The following TUSC3 variants were observed in gnomAD, a reference collection of about 807,000 sequenced individuals.
TUSC3 encodes the protein tumor suppressor candidate 3, also known as dolichyl-diphosphooligosaccharide--protein glycosyltransferase subunit TUSC3.
TUSC3 carries 45 observed loss-of-function variants against 44.8 expected under a neutral mutation model. The observed-to-expected ratio is 1.00, with a 90% CI of 0.79 to 1.29. The LOEUF (loss-of-function observed/expected upper bound fraction) is 1.29. Ranked by LOEUF, TUSC3 falls within the 50% of genes most tolerant of loss-of-function variation. The pLI, the probability that TUSC3 is intolerant of heterozygous loss-of-function variation, is 0.00. For synonymous variants in TUSC3, 212 were observed against 152.9 expected (o/e 1.39, Z -2.85); for missense variants, 519 against 437.9 (o/e 1.19, Z -1.65).
At chr8:15,703,874 A>T (rs987755644) in intron 6 of TUSC3, among the ~76,000 whole-genome samples, 1 of 152,072 alleles carries the variant, frequency 6.6e-6, no homozygotes, top group African/African-American at 2.4e-5. Context: ...AAACCATAGC[A>T]CTGTATTCAT....
At chr8:15,791,470 A>G in the TUSC3 span, among the ~76,000 whole-genome samples, 3 of 152,156 alleles carry the variant, frequency 2.0e-5, no homozygotes, top group Non-Finnish European at 4.4e-5. Flanking sequence ...TTTACATTGC[A>G]TTGTAAACTG....
the TUSC3 span, chr8:15,807,424 G>C: frequency 9.1e-6 from 2 of 219,420 alleles, no homozygotes; most frequent in Non-Finnish European, 1.8e-5. Flanking sequence ...AATGTAAATG[G>C]ATTCAGCCAC....
intron 2 of TUSC3, among the ~76,000 whole-genome samples, chr8:15,641,659 T>C (rs1011188478): frequency 6.6e-6 from 1 of 152,192 alleles, no homozygotes; most frequent in Admixed American, 6.5e-5. Flanking sequence ...AGTATTGTCA[T>C]GCTAAAAAGG....
chr8:15,756,172 C>G (rs143380436), intron 9 of TUSC3, among the ~76,000 whole-genome samples: 23 of 152,296 alleles, frequency 1.5e-4, no homozygotes, highest in African/African-American at 5.3e-4. Flanking sequence ...TGCATTTAGA[C>G]AAATCCAGGT....
intron 1 of TUSC3, among the ~76,000 whole-genome samples, chr8:15,456,437 A>G (rs1308412416): frequency 1.3e-5 from 2 of 152,210 alleles, no homozygotes; most frequent in Non-Finnish European, 2.9e-5. Context: ...TTGGAAACGT[A>G]AAGAGATAAT....
intron 6 of TUSC3, among the ~76,000 whole-genome samples, chr8:15,683,139 A>C (rs1412146087): frequency 2.0e-5 from 3 of 151,990 alleles, no homozygotes; most frequent in Admixed American, 6.6e-5. Flanking sequence ...GGGATGGTCA[A>C]CTTGGGTAGT....
At chr8:15,631,857 C>T (rs912251070) in intron 2 of TUSC3, among the ~76,000 whole-genome samples, 8 of 151,978 alleles carry the variant, frequency 5.3e-5, no homozygotes, top group Admixed American at 3.9e-4. Flanking sequence ...AGGCACCTGC[C>T]GCCATGCCTG....
upstream of TUSC3, chr8:15,540,198 C>A: frequency 1.9e-6 from 1 of 517,922 alleles, no homozygotes; most frequent in East Asian, 3.7e-5. Flanking sequence ...TCCCTCGCCA[C>A]GCCCACTTCC....
At chr8:15,481,509 A>G (rs989962797) in intron 1 of TUSC3, among the ~76,000 whole-genome samples, 1 of 152,120 alleles carries the variant, frequency 6.6e-6, no homozygotes, top group African/African-American at 2.4e-5. Flanking sequence ...CTCAAGAACC[A>G]TGATCCAATA....
the TUSC3 span, among the ~76,000 whole-genome samples, chr8:15,805,107 C>T: frequency 5.3e-5 from 8 of 151,916 alleles, no homozygotes; most frequent in Non-Finnish European, 5.9e-5. Flanking sequence ...TAAATGAGAA[C>T]GTGTTCCTGA....
the TUSC3 span, among the ~76,000 whole-genome samples, chr8:15,781,207 C>T: frequency 6.6e-6 from 1 of 152,170 alleles, no homozygotes; most frequent in Non-Finnish European, 1.5e-5. Flanking sequence ...GTTCCTCTCC[C>T]AAGCTGGGTG....
chr8:15,813,553 G>A, the TUSC3 span, among the ~76,000 whole-genome samples: 5 of 152,108 alleles, frequency 3.3e-5, no homozygotes, highest in Non-Finnish European at 5.9e-5. Context: ...GGAAGATACT[G>A]TAAATTTTAA....
the TUSC3 span, among the ~76,000 whole-genome samples, chr8:15,825,030 T>C: frequency 0.46 from 70,040 of 151,804 alleles, 18,523 homozygotes; most frequent in Non-Finnish European, 0.61. Flanking sequence ...TCAAAGGTTA[T>C]ATATATCAGA....
chr8:15,481,329 C>T (rs1302610140), intron 1 of TUSC3, among the ~76,000 whole-genome samples: 1 of 151,600 alleles, frequency 6.6e-6, no homozygotes, highest in Non-Finnish European at 1.5e-5. Context: ...GGATTAATGC[C>T]ATTATTGAGG....
rs564712124 is a variant in TUSC3, at chr8:15,499,662, G to T, written n.189+16179G>T. On this transcript the variant is annotated intron_variant and non_coding_transcript_variant, in intron 2 of 5. Coordinates refer to the TUSC3 transcript ENST00000503191. ...GGTCCACGGGGTGCTTAGATATTTAGTTAAACATTATTCTGGGTGTGTCTG... is the reference window on the plus strand; with the variant it reads ...GGTCCACGGGGTGCTTAGATATTTATTTAAACATTATTCTGGGTGTGTCTG... Among the ~76,000 whole-genome samples, 4 of 152,222 alleles carry T rather than the reference G, an allele frequency of 2.6e-5. No individual in the cohort carries two copies. In the South Asian group the frequency reaches 8.3e-4, roughly 32 times the overall value.
At chr8:15,492,008 G>C (rs1258241783) in intron 2 of TUSC3, among the ~76,000 whole-genome samples, 1 of 152,110 alleles carries the variant, frequency 6.6e-6, no homozygotes, top group Non-Finnish European at 1.5e-5. Context: ...CATACCTCCA[G>C]GTTTTTGCAT....
the TUSC3 span, among the ~76,000 whole-genome samples, chr8:15,807,684 A>T: frequency 5.9e-5 from 9 of 152,212 alleles, no homozygotes; most frequent in Non-Finnish European, 1.0e-4. Flanking sequence ...TAAACACCAT[A>T]CAAAAGAACA....
chr8:15,421,048 C>T lies in TUSC3; in HGVS notation n.91+3743C>T, dbSNP rs142861919. The stretch of plus-strand genomic sequence containing the variant: ...AACTCTGCACTTATATATCCAACTG[C>T]CTACTCACTACCTCTGCTAGAATGT... On this transcript the variant is annotated intron_variant and non_coding_transcript_variant, in intron 1 of 5. Coordinates refer to the TUSC3 transcript ENST00000503191. Among the ~76,000 whole-genome samples, 57 of 152,318 alleles carry T rather than the reference C, an allele frequency of 3.7e-4. No homozygotes were observed. The East Asian group carries it at 8.7e-3, about 23-fold the overall frequency.
chr8:15,536,578 A>G (rs998339353), upstream of TUSC3, among the ~76,000 whole-genome samples: 3 of 149,902 alleles, frequency 2.0e-5, no homozygotes, highest in Non-Finnish European at 4.4e-5. Flanking sequence ...GCTACTCGGG[A>G]GGCTGAGGCA....
Sources: allele counts gnomAD v4.1 joint callset (sites outside exome capture counted in the v4.1 genomes callset), GRCh38; gene constraint gnomAD v4.1.1; transcripts MANE v1.5; gene names NCBI Gene and HGNC (gene_info 2026-07-23, HGNC 2026-07-21).